GRIP1: variants seen among roughly 807,000 people sequenced by gnomAD.
GRIP1 encodes the protein glutamate receptor interacting protein 1.
GRIP1 carries 45 observed loss-of-function variants against 129.9 expected under a neutral mutation model. That is an observed-to-expected ratio of 0.35 (90% CI 0.27 to 0.44). The LOEUF (loss-of-function observed/expected upper bound fraction) is 0.44, where lower values mean the gene tolerates loss of function less well. GRIP1 is among the 20% of genes least tolerant of loss of function. The pLI is 1.00. For missense variants in GRIP1, 1,196 were observed against 1,396.8 expected (o/e 0.86, Z 2.29); for synonymous variants, 530 against 520.8 (o/e 1.02, Z -0.24).
chr12:66,586,510 T>G (rs2139672269), intron 2 of GRIP1, among the ~76,000 whole-genome samples: 1 of 152,244 alleles, frequency 6.6e-6, no homozygotes, highest in African/African-American at 2.4e-5. Context: ...TCGCCCACCC[T>G]CAAGGGTGTA....
chr12:66,843,591 C>T (rs1428356023), intron 1 of GRIP1, among the ~76,000 whole-genome samples: 1 of 151,968 alleles, frequency 6.6e-6, no homozygotes, highest in African/African-American at 2.4e-5. Flanking sequence ...CAAAACAGTG[C>T]TAGCATAAAG....
chr12:66,405,472 C>T (rs905680847), intron 16 of GRIP1, among the ~76,000 whole-genome samples: 1 of 152,142 alleles, frequency 6.6e-6, no homozygotes, highest in African/African-American at 2.4e-5. Flanking sequence ...AAAGTGTGCT[C>T]CTTGCACCAC....
chr12:66,853,845 T>C (rs2039956594), intron 1 of GRIP1, among the ~76,000 whole-genome samples: 2 of 152,104 alleles, frequency 1.3e-5, no homozygotes, highest in Admixed American at 1.3e-4. Flanking sequence ...TTGACAATTC[T>C]TGAATATGAT....
At chr12:66,636,613 G>C (rs1159303355) in intron 1 of GRIP1, among the ~76,000 whole-genome samples, 1 of 152,046 alleles carries the variant, frequency 6.6e-6, no homozygotes, top group African/African-American at 2.4e-5. Flanking sequence ...ATTGGAGATA[G>C]GGCCTTTAAG....
intron 7 of GRIP1, among the ~76,000 whole-genome samples, chr12:66,475,487 C>T (rs1016863904): frequency 1.4e-4 from 21 of 152,214 alleles, no homozygotes; most frequent in African/African-American, 4.6e-4. Flanking sequence ...ACCTAACAGA[C>T]ATCTACAGAA....
chr12:66,353,382 C>T, intron 24 of GRIP1, 35 bp downstream of exon 24: 2 of 1,515,876 alleles, frequency 1.3e-6, no homozygotes, highest in Non-Finnish European at 1.8e-6. Context: ...TGAGAAATTA[C>T]TTGCAAGGAA....
At chr12:66,994,187 A>C (rs1320807954) in intron 1 of GRIP1, among the ~76,000 whole-genome samples, 2 of 151,838 alleles carry the variant, frequency 1.3e-5, no homozygotes, top group Non-Finnish European at 2.9e-5. Flanking sequence ...TATCAAAACC[A>C]GACAAGTGGG....
chr12:66,855,266 C>T (rs1331056762), intron 1 of GRIP1, among the ~76,000 whole-genome samples: 1 of 151,916 alleles, frequency 6.6e-6, no homozygotes, highest in Non-Finnish European at 1.5e-5. Flanking sequence ...ATCAAACTAC[C>T]CTCTAAGCAA....
chr12:67,043,218 C>G (rs2043205160), intron 1 of GRIP1, among the ~76,000 whole-genome samples: 1 of 152,140 alleles, frequency 6.6e-6, no homozygotes, highest in Admixed American at 6.6e-5. Flanking sequence ...TTTCATCCTC[C>G]TGAAAGCCAC....
chr12:66,529,694 G>C (rs559121555), intron 5 of GRIP1, 137 bp downstream of exon 5: 42 of 682,552 alleles, frequency 6.2e-5, no homozygotes, highest in Admixed American at 2.3e-4. Context: ...TATACTGCTC[G>C]GGTCGTGGGT....
At chr12:66,935,742 G>A (rs529591693) in intron 1 of GRIP1, among the ~76,000 whole-genome samples, 70 of 152,270 alleles carry the variant, frequency 4.6e-4, no homozygotes, top group African/African-American at 1.6e-3. Flanking sequence ...TACAGGAATC[G>A]GAAGTGAGGT....
At chr12:66,653,508 T>C (rs891882903) in intron 1 of GRIP1, among the ~76,000 whole-genome samples, 1 of 152,230 alleles carries the variant, frequency 6.6e-6, no homozygotes, top group African/African-American at 2.4e-5. Flanking sequence ...TGTAGTAGAA[T>C]AGAAGCTTTA....
intron 1 of GRIP1, among the ~76,000 whole-genome samples, chr12:66,700,681 G>T (rs73128872): frequency 2.6e-5 from 4 of 152,016 alleles, no homozygotes; most frequent in African/African-American, 7.2e-5. Flanking sequence ...GGATAGGCTG[G>T]GGGGGAGAAT....
At chr12:66,810,006 C>T (rs2039072759) in intron 1 of GRIP1, among the ~76,000 whole-genome samples, 1 of 152,010 alleles carries the variant, frequency 6.6e-6, no homozygotes, top group Non-Finnish European at 1.5e-5. Flanking sequence ...ATACATATTT[C>T]AAATAAATGG....
At chr12:66,519,335 T>A (rs182006688) in intron 5 of GRIP1, among the ~76,000 whole-genome samples, 1,596 of 152,310 alleles carry the variant, frequency 0.01, 12 homozygotes, top group Admixed American at 0.02. Flanking sequence ...CAGAAAAAAA[T>A]TTTAAAATAA....
At chr12:66,594,468 TTG>T (rs148985775) in intron 2 of GRIP1, among the ~76,000 whole-genome samples, 11,079 of 152,228 alleles carry the variant, frequency 0.073, 477 homozygotes, top group East Asian at 0.11. Flanking sequence ...TGAGATTTTT[TTG>T]TGATTCTTTT....
chr12:66,363,200 C>CGTATATATATATATAT (rs1565666281), intron 23 of GRIP1, among the ~76,000 whole-genome samples: 1 of 88,280 alleles, frequency 1.1e-5, no homozygotes, highest in Non-Finnish European at 2.1e-5. Context: ...TGTGTGTGTC[C>CGTATATATATATATAT]ATATATATAT....
At chr12:66,435,062 G>A (rs1382866789) in intron 13 of GRIP1, among the ~76,000 whole-genome samples, 2 of 152,234 alleles carry the variant, frequency 1.3e-5, no homozygotes, top group East Asian at 1.9e-4. Flanking sequence ...ATGAGGGCAT[G>A]CAGAAAGCCT....
chr12:66,863,026 T>C (rs2040139991), intron 1 of GRIP1, among the ~76,000 whole-genome samples: 1 of 151,898 alleles, frequency 6.6e-6, no homozygotes, highest in Admixed American at 6.6e-5. Flanking sequence ...AGCATCTGAT[T>C]AGGTTCAGAA....
Sources: allele counts gnomAD v4.1 joint callset (sites outside exome capture counted in the v4.1 genomes callset), GRCh38; gene constraint gnomAD v4.1.1; transcripts MANE v1.5; gene names NCBI Gene and HGNC (gene_info 2026-07-23, HGNC 2026-07-21).